Variants in AMMECR1 observed in about 807,000 individuals in gnomAD.
AMMECR1 encodes the protein AMMECR nuclear protein 1, also known as nuclear protein AMMECR1.
Under a neutral mutation model 22.5 loss-of-function variants are expected in AMMECR1, and 3 were observed. That is an observed-to-expected ratio of 0.13 (90% CI 0.06 to 0.35). The LOEUF is 0.35. Among genes scored for constraint, AMMECR1 ranks in the 10% least tolerant of loss-of-function variants. AMMECR1 has a pLI of 1.00. For missense variants in AMMECR1, 235 were observed against 278.7 expected (o/e 0.84, Z 1.12); for synonymous variants, 130 against 116.7 (o/e 1.11, Z -0.74).
At chrX:110,383,689 A>G (rs962308830) in intron 2 of AMMECR1, among the ~76,000 whole-genome samples, 1 of 110,931 alleles carries the variant, frequency 9.0e-6, no homozygotes, top group African/African-American at 3.3e-5. Context: ...GTAAATTCCT[A>G]CTCTCCTTTA....
At chrX:110,357,806 G>A (rs1180680933) in intron 2 of AMMECR1, among the ~76,000 whole-genome samples, 1 of 111,523 alleles carries the variant, frequency 9.0e-6, no homozygotes, top group Non-Finnish European at 1.9e-5. Flanking sequence ...ACATTGTGTG[G>A]GAAGCAGAGT....
intron 2 of AMMECR1, among the ~76,000 whole-genome samples, chrX:110,393,675 T>C (rs2068509836): frequency 8.9e-6 from 1 of 112,228 alleles, no homozygotes; most frequent in Non-Finnish European, 1.9e-5. Flanking sequence ...GGCACAATCC[T>C]ATACAGCAGG....
intron 2 of AMMECR1, among the ~76,000 whole-genome samples, chrX:110,257,028 C>T (rs2067714426): frequency 9.0e-6 from 1 of 111,722 alleles, no homozygotes; most frequent in African/African-American, 3.2e-5. Flanking sequence ...CCTGTTCATT[C>T]AGGTCCTAAT....
chrX:110,294,385 C>A (rs2067924216), intron 1 of AMMECR1, among the ~76,000 whole-genome samples: 1 of 111,865 alleles, frequency 8.9e-6, no homozygotes, highest in Non-Finnish European at 1.9e-5. Flanking sequence ...TAAACAAATG[C>A]TAAATAAGGA....
chrX:110,326,376 T>C (rs1047552376), intron 2 of AMMECR1, among the ~76,000 whole-genome samples: 9 of 112,494 alleles, frequency 8.0e-5, no homozygotes, highest in Non-Finnish European at 1.5e-4. Context: ...GCCTATTAGT[T>C]ATTTAGGAGT....
intron 2 of AMMECR1, among the ~76,000 whole-genome samples, chrX:110,334,345 T>G (rs1180060222): frequency 1.8e-5 from 2 of 112,118 alleles, no homozygotes; most frequent in Non-Finnish European, 3.8e-5. Flanking sequence ...AATTTATACT[T>G]TTTAAAAACA....
At chrX:110,390,206 C>T (rs945370742) in intron 2 of AMMECR1, among the ~76,000 whole-genome samples, 19 of 111,441 alleles carry the variant, frequency 1.7e-4, no homozygotes, top group Admixed American at 7.6e-4. Context: ...TACTGAATTC[C>T]TACAAGGTAC....
At chrX:110,295,787 G>A (rs1243419087) in intron 1 of AMMECR1, among the ~76,000 whole-genome samples, 1 of 111,400 alleles carries the variant, frequency 9.0e-6, no homozygotes, top group African/African-American at 3.3e-5. Flanking sequence ...ATACCAACCA[G>A]TGTCAATAAT....
At chrX:110,378,813 C>A (rs1023981615) in intron 2 of AMMECR1, among the ~76,000 whole-genome samples, 1 of 111,303 alleles carries the variant, frequency 9.0e-6, no homozygotes, top group South Asian at 3.9e-4. Flanking sequence ...CCCCGACCCC[C>A]GCTGCCCACT....
chrX:110,296,189 T>C (rs1238853812), intron 1 of AMMECR1, among the ~76,000 whole-genome samples: 1 of 112,248 alleles, frequency 8.9e-6, no homozygotes, highest in Non-Finnish European at 1.9e-5. Context: ...TATAGAAATA[T>C]TGGTTGACAG....
chrX:110,399,885 C>T (rs753614656), intron 2 of AMMECR1, among the ~76,000 whole-genome samples: 24 of 111,912 alleles, frequency 2.1e-4, no homozygotes, highest in Admixed American at 9.4e-4. Context: ...ACATTATTAG[C>T]GAAGGCAATG....
At chrX:110,354,691 A>G (rs893296595) in intron 2 of AMMECR1, among the ~76,000 whole-genome samples, 1 of 112,164 alleles carries the variant, frequency 8.9e-6, no homozygotes, top group African/African-American at 3.2e-5. Flanking sequence ...CTAGAAGCAA[A>G]CCCAAGTATT....
rs1273641346 is a variant in AMMECR1, at chrX:110,318,085, C to G, written c.-14G>C. 11 of 1,175,043 alleles carry G rather than the reference C, an allele frequency of 9.4e-6. No homozygotes were observed. The highest frequency in any genetic ancestry group is 1.1e-5 in the Non-Finnish European group (10 of 876,644). ...ACCCGCCGCCATCTTGGAACAGTCT[C>G]CCCCACGCAGCGTTTCCGACCCATA... On this transcript the variant is annotated 5_prime_UTR_variant, in exon 1 of 6. Transcript: ENST00000262844.
At chrX:110,239,156 A>G (rs757034474) in intron 2 of AMMECR1, among the ~76,000 whole-genome samples, 20 of 111,753 alleles carry the variant, frequency 1.8e-4, no homozygotes, top group Admixed American at 4.7e-4. Flanking sequence ...CCAAAGGATC[A>G]CAACTCCTCG....
At chrX:110,222,630 AAAAG>A (rs1026966985) in intron 2 of AMMECR1, among the ~76,000 whole-genome samples, 2 of 110,376 alleles carry the variant, frequency 1.8e-5, no homozygotes, top group Admixed American at 9.7e-5. Context: ...GGAAAAAAAA[AAAAG>A]AAAGAAAAAG....
chrX:110,401,782 G>C (rs138052073), intron 2 of AMMECR1, among the ~76,000 whole-genome samples: 1 of 112,107 alleles, frequency 8.9e-6, no homozygotes, highest in African/African-American at 3.2e-5. Context: ...TTCCTCCCCT[G>C]TAAAATGGAT....
chrX:110,377,846 A>G (rs1299396606), intron 2 of AMMECR1, among the ~76,000 whole-genome samples: 2 of 107,717 alleles, frequency 1.9e-5, no homozygotes, highest in African/African-American at 3.4e-5. Flanking sequence ...CGTCTCTACT[A>G]AAAATACAAA....
chrX:110,259,095 T>C (rs1312696197), intron 2 of AMMECR1, among the ~76,000 whole-genome samples: 1 of 111,755 alleles, frequency 8.9e-6, no homozygotes, highest in Non-Finnish European at 1.9e-5. Flanking sequence ...GTAGGTTTGT[T>C]AGCTATTTTC....
At chrX:110,404,921 G>A (rs142973955) in intron 2 of AMMECR1, among the ~76,000 whole-genome samples, 2,511 of 111,639 alleles carry the variant, frequency 0.022, 69 homozygotes, top group African/African-American at 0.078. Flanking sequence ...TAGCATTTTC[G>A]GAAGCAAATT....
Sources: allele counts gnomAD v4.1 joint callset (sites outside exome capture counted in the v4.1 genomes callset), GRCh38; gene constraint gnomAD v4.1.1; transcripts MANE v1.5; gene names NCBI Gene and HGNC (gene_info 2026-07-23, HGNC 2026-07-21).